Variants in SLC35F5 observed in about 807,000 individuals in gnomAD.
SLC35F5 encodes HCV NS5A-transactivated protein 3.
In SLC35F5, 54 loss-of-function variants were observed where a neutral mutation model predicts 68.6. The ratio of observed to expected loss-of-function variants is 0.79; its 90% CI spans 0.63 to 0.99. The LOEUF is 0.99. SLC35F5 is among the 50% of genes least tolerant of loss of function. The pLI is 0.00. For synonymous variants in SLC35F5, 211 were observed against 205.2 expected (o/e 1.03, Z -0.24); for missense variants, 567 against 626.9 (o/e 0.90, Z 1.02).
At chr2:113,727,096 T>C (rs1192204467) in intron 11 of SLC35F5, among the ~76,000 whole-genome samples, 1 of 152,188 alleles carries the variant, frequency 6.6e-6, no homozygotes, top group African/African-American at 2.4e-5. Flanking sequence ...GTTCCCATCA[T>C]AGTGAGTTCT....
intron 8 of SLC35F5, among the ~76,000 whole-genome samples, chr2:113,735,362 C>G (rs1035625949): frequency 2.0e-5 from 3 of 152,160 alleles, no homozygotes; most frequent in African/African-American, 7.2e-5. Context: ...ATAGAGCATA[C>G]TCACACAAAC....
intron 15 of SLC35F5, among the ~76,000 whole-genome samples, chr2:113,716,388 C>T (rs953344287): frequency 2.0e-5 from 3 of 152,132 alleles, no homozygotes; most frequent in African/African-American, 7.2e-5. Context: ...AGGGAAATAC[C>T]AGGACGAATC....
At chr2:113,742,486 G>T in intron 7 of SLC35F5, 1 of 591,492 alleles carries the variant, frequency 1.7e-6, no homozygotes, top group Non-Finnish European at 3.0e-6. Context: ...AGTGTTATAG[G>T]ACTTAATGAA....
At chr2:113,747,740 A>T (rs1273680146) in intron 4 of SLC35F5, among the ~76,000 whole-genome samples, 1 of 152,264 alleles carries the variant, frequency 6.6e-6, no homozygotes, top group South Asian at 2.1e-4. Flanking sequence ...AACAGAGATA[A>T]GAATTAATGC....
In SLC35F5 at chr2:113,717,926, G is replaced by A. The variant is rs976279638; in HGVS notation, c.1497-76C>T. 9.3e-5 allele frequency: 95 copies of A among 1,020,682 alleles called. No homozygotes were observed. The Admixed American group carries it at 9.5e-4, about 10-fold the overall frequency. The allele number at this position is 1,020,682 out of a possible 1,614,324, so 63.2% of individuals were successfully genotyped here. On this transcript the variant is annotated intron_variant, in intron 14 of 15. Coordinates refer to ENST00000245680, the MANE Select transcript of SLC35F5 (RefSeq NM_025181.5). ...AACCTCAAACCTTATTTATTCCATT[G>A]CCTGAAGCTATGTGGACAGGATGCA...
At chr2:113,720,714 G>T (rs1687397675) in intron 13 of SLC35F5, among the ~76,000 whole-genome samples, 1 of 152,052 alleles carries the variant, frequency 6.6e-6, no homozygotes, top group Non-Finnish European at 1.5e-5. Flanking sequence ...GTATTAAGAA[G>T]TTATAAATAA....
At chr2:113,739,934 A>G (rs1676178429) in intron 7 of SLC35F5, among the ~76,000 whole-genome samples, 1 of 152,260 alleles carries the variant, frequency 6.6e-6, no homozygotes, top group South Asian at 2.1e-4. Context: ...AATGCTATTA[A>G]GAAAATCATA....
chr2:113,717,243 C>T (rs1412035900), intron 15 of SLC35F5, among the ~76,000 whole-genome samples: 1 of 151,882 alleles, frequency 6.6e-6, no homozygotes, highest in African/African-American at 2.4e-5. Flanking sequence ...TGTTAAATGA[C>T]AAAGCAATGT....
chr2:113,741,905 A>G (rs1676291894), intron 7 of SLC35F5: 2 of 152,172 alleles, frequency 1.3e-5, no homozygotes, highest in South Asian at 4.1e-4. Context: ...AAATTTTATA[A>G]TCAGGCTAAT....
chr2:113,739,627 T>C (rs1688216659), intron 7 of SLC35F5, among the ~76,000 whole-genome samples: 2 of 152,204 alleles, frequency 1.3e-5, no homozygotes, highest in African/African-American at 4.8e-5. Flanking sequence ...GGATCTCTGT[T>C]TGCTTGTTTT....
chr2:113,735,769 T>G lies in SLC35F5; in HGVS notation c.832+8A>C, dbSNP rs752903001. The G allele has an allele frequency of 1.1e-5, 18 of 1,583,094 alleles. No individual in the cohort carries two copies. The highest frequency in any genetic ancestry group is 1.5e-5 in the Non-Finnish European group (17 of 1,158,050). ...TATAATGCAGATTTTTAAAGACAAA[T>G]TTCTTACCGGAAGTTGAAGATAAAA... On this transcript the variant is annotated splice_region_variant and intron_variant, in intron 8 of 15. Coordinates refer to ENST00000245680, the MANE Select transcript of SLC35F5 (RefSeq NM_025181.5).
intron 4 of SLC35F5, among the ~76,000 whole-genome samples, chr2:113,747,049 G>A (rs1337920042): frequency 2.0e-5 from 3 of 152,166 alleles, no homozygotes; most frequent in African/African-American, 4.8e-5. Context: ...CAGTTTGGGA[G>A]GCTGAGGTGG....
chr2:113,736,442 C>CA lies in SLC35F5; in HGVS notation c.751-585dup, dbSNP rs761464440. On this transcript the variant is annotated intron_variant, in intron 7 of 15. Coordinates refer to ENST00000245680, the MANE Select transcript of SLC35F5 (RefSeq NM_025181.5). ...CCTAGGTGACAGAGAGACCATTTCTCAAAAAATAAAAAAATCGCTTTATCT... is the reference window on the plus strand; with the variant it reads ...CCTAGGTGACAGAGAGACCATTTCTCAAAAAAATAAAAAAATCGCTTTATCT... Among the ~76,000 whole-genome samples the CA allele has an allele frequency of 3.6e-3, 530 of 146,866 alleles. 4 individuals carry two copies. The highest frequency in any genetic ancestry group is 0.01 in the African/African-American group (406 of 40,002).
intron 4 of SLC35F5, among the ~76,000 whole-genome samples, chr2:113,749,579 A>G (rs1344309967): frequency 1.3e-5 from 2 of 152,266 alleles, no homozygotes; most frequent in African/African-American, 4.8e-5. Context: ...CACAAAAAAT[A>G]ATACACACGA....
rs1559341202 is a variant in SLC35F5 at position 113,734,663 on chromosome 2, G to A, written c.843C>T (p.Thr281=). 6.3e-7 allele frequency: 1 copy of A among 1,598,614 alleles called. No homozygotes were observed. Residue 281 remains threonine (T), a synonymous_variant, in exon 9 of 16, where the codon ACC becomes ACT. Coordinates refer to ENST00000245680, the MANE Select transcript of SLC35F5 (RefSeq NM_025181.5). The part of the protein sequence containing the change: ...NILSSTSGLF[T]LILAAVFPSN... ...TTGGAAATACTGCAGCAAGGATTAA[G>A]GTAAAAAGTCCTATGAGGAGAAAAG...
chr2:113,711,892 T>C lies in SLC35F5; in HGVS notation c.*3326A>G, dbSNP rs1221245286. Among the ~76,000 whole-genome samples the C allele has an allele frequency of 6.6e-6, 1 of 152,222 alleles. No individual in the cohort carries two copies. On this transcript the variant is annotated 3_prime_UTR_variant, in exon 16 of 16. Coordinates refer to ENST00000245680, the MANE Select transcript of SLC35F5 (RefSeq NM_025181.5). ...TTTCTAATTAATTCCTCCTTTATCC[T>C]TCTTTAAAAACATTTTATTTCTTCA... is the stretch of plus-strand genomic sequence containing the variant.
rs747455764 is a variant in SLC35F5, at chr2:113,720,592, C to A, written c.1342-1284G>T. ...AATAGTCATTAAACTGAAAAGCCTT[C>A]ATTTAGTTATGAAATTACCAATATA... On this transcript the variant is annotated intron_variant, in intron 13 of 15. Transcript: ENST00000245680. Among the ~76,000 whole-genome samples, 7 of 152,216 alleles carry A rather than the reference C, an allele frequency of 4.6e-5. No individual in the cohort carries two copies. The East Asian group carries it at 1.2e-3, about 25-fold the overall frequency.
chr2:113,752,973 C>T (rs1676804371), intron 3 of SLC35F5, among the ~76,000 whole-genome samples: 1 of 151,974 alleles, frequency 6.6e-6, no homozygotes, highest in Non-Finnish European at 1.5e-5. Flanking sequence ...TTAAAATATG[C>T]TTTAAAATGC....
intron 13 of SLC35F5, chr2:113,721,492 A>C (rs531256430): frequency 1.3e-5 from 2 of 153,388 alleles, no homozygotes; most frequent in East Asian, 3.9e-4. Flanking sequence ...GATAATTATG[A>C]AATGACTAAT....
Sources: gnomAD v4.1 joint callset for allele counts (sites outside exome capture counted in the v4.1 genomes callset) on GRCh38, gnomAD v4.1.1 for gene constraint, MANE v1.5 for transcripts, NCBI Gene and HGNC (gene_info 2026-07-23, HGNC 2026-07-21) for gene names.